The following CSMD1 variants were observed in gnomAD, a reference collection of about 807,000 sequenced individuals.
The protein encoded by CSMD1 is CUB and sushi domain-containing protein 1.
A neutral mutation model predicts 417.5 loss-of-function variants in CSMD1; 213 were observed. That is an observed-to-expected ratio of 0.51 (90% confidence interval 0.46 to 0.57). CSMD1 has a LOEUF of 0.57. Among genes scored for constraint, CSMD1 ranks in the 20% least tolerant of loss-of-function variants. The pLI, the probability that CSMD1 is intolerant of heterozygous loss-of-function variation, is 0.00. For missense variants in CSMD1, 6,923 were observed against 4,529.7 expected, an observed-to-expected ratio of 1.53 and a Z score of -15.17; for synonymous variants, 2,862 against 1,736.8, an observed-to-expected ratio of 1.65 and a Z score of -16.11.
At chr8:4,397,419 T>C (rs996223650) in intron 3 of CSMD1, among the ~76,000 whole-genome samples, 10 of 151,854 alleles carry the variant, frequency 6.6e-5, no homozygotes, top group African/African-American at 2.4e-4. Flanking sequence ...TAAGAAATCA[T>C]TAGGAACATG....
Position 3,323,431 on chromosome 8 carries a change from G to C in CSMD1, c.3632-14928C>G, listed in dbSNP as rs553229501. ...ACTAATAGTCATCAAAGCCAGAAAC[G>C]CTGGTCCATTCTGAACCCCTCTCTC... On this transcript the variant is annotated intron_variant, in intron 23 of 69. Coordinates refer to ENST00000635120, the MANE Select transcript of CSMD1 (RefSeq NM_033225.6). Among the ~76,000 whole-genome samples the C allele has an allele frequency of 1.3e-4, 19 of 151,526 alleles. No homozygotes were observed. In the South Asian group the frequency reaches 4.0e-3, roughly 32 times the overall value.
chr8:4,812,287 G>T (rs973630538), intron 1 of CSMD1, among the ~76,000 whole-genome samples: 13 of 152,238 alleles, frequency 8.5e-5, no homozygotes, highest in Non-Finnish European at 1.3e-4. Flanking sequence ...GGGAGGTGGG[G>T]GTTTTTCTCC....
intron 1 of CSMD1, among the ~76,000 whole-genome samples, chr8:4,983,859 C>T (rs1811030916): frequency 6.6e-6 from 1 of 151,726 alleles, no homozygotes; most frequent in South Asian, 2.1e-4. Context: ...TAGAAGTGGA[C>T]TCAAAGATGG....
At chr8:3,541,236 G>A (rs1197334612) in intron 10 of CSMD1, among the ~76,000 whole-genome samples, 1 of 152,196 alleles carries the variant, frequency 6.6e-6, no homozygotes, top group African/African-American at 2.4e-5. Flanking sequence ...GCAGGAACAT[G>A]GATGAAACTG....
At chr8:4,955,964 TGC>T (rs1477292995) in intron 1 of CSMD1, among the ~76,000 whole-genome samples, 2 of 152,228 alleles carry the variant, frequency 1.3e-5, no homozygotes, top group Non-Finnish European at 2.9e-5. Context: ...AGAAACGCTG[TGC>T]TGCGTTCTGT....
intron 49 of CSMD1, among the ~76,000 whole-genome samples, chr8:3,060,505 A>G (rs1386547971): frequency 6.6e-6 from 1 of 152,154 alleles, no homozygotes; most frequent in Admixed American, 6.5e-5. Context: ...TAAATAATAA[A>G]AAATTACTAT....
chr8:3,143,289 G>A (rs190589003), intron 40 of CSMD1, among the ~76,000 whole-genome samples: 130 of 152,234 alleles, frequency 8.5e-4, no homozygotes, highest in African/African-American at 3.1e-3. Flanking sequence ...TTAGCAAGCG[G>A]TCATTTTCTA....
intron 1 of CSMD1, among the ~76,000 whole-genome samples, chr8:4,851,916 T>C (rs2116834446): frequency 6.6e-6 from 1 of 152,302 alleles, no homozygotes; most frequent in Middle Eastern, 3.4e-3. Flanking sequence ...TTGCTATCAC[T>C]CTTCATTCTC....
chr8:4,794,659 T>G (rs537974431), intron 1 of CSMD1, among the ~76,000 whole-genome samples: 33 of 152,276 alleles, frequency 2.2e-4, no homozygotes, highest in Admixed American at 1.9e-3. Context: ...CCCCATACCT[T>G]CTTTCTTCTG....
intron 3 of CSMD1, among the ~76,000 whole-genome samples, chr8:4,357,616 C>A (rs928501750): frequency 2.6e-5 from 4 of 152,016 alleles, no homozygotes; most frequent in African/African-American, 7.2e-5. Flanking sequence ...AAATAAATAG[C>A]ATGCTTAAAT....
chr8:4,361,425 T>C (rs552032319), intron 3 of CSMD1, among the ~76,000 whole-genome samples: 4 of 152,238 alleles, frequency 2.6e-5, no homozygotes, highest in Admixed American at 1.3e-4. Context: ...CTAAGTAATC[T>C]GAAAAACTAA....
intron 23 of CSMD1, among the ~76,000 whole-genome samples, chr8:3,340,384 AG>A (rs1385146069): frequency 1.3e-5 from 2 of 152,110 alleles, no homozygotes; most frequent in Non-Finnish European, 2.9e-5. Flanking sequence ...TAAAAATGTT[AG>A]GGTTTTTTTT....
At chr8:3,118,708 G>A (rs573799080) in intron 41 of CSMD1, 121 bp from the exon 42 acceptor site, 1 of 815,580 alleles carries the variant, frequency 1.2e-6, no homozygotes, top group Non-Finnish European at 1.9e-6. Flanking sequence ...GTTTAATAAG[G>A]TATATTTTCT....
At chr8:4,829,519 A>T (rs1420553174) in intron 1 of CSMD1, among the ~76,000 whole-genome samples, 1 of 152,074 alleles carries the variant, frequency 6.6e-6, no homozygotes, top group African/African-American at 2.4e-5. Context: ...AGGCAGGAGG[A>T]TCTCTTGAGC....
At chr8:3,869,543 G>C (rs976682111) in intron 5 of CSMD1, among the ~76,000 whole-genome samples, 1 of 152,116 alleles carries the variant, frequency 6.6e-6, no homozygotes, top group African/African-American at 2.4e-5. Context: ...TTCTTCCTGA[G>C]AGTGCCTGAC....
intron 26 of CSMD1, among the ~76,000 whole-genome samples, chr8:3,244,608 C>G (rs565646447): frequency 6.6e-6 from 1 of 152,132 alleles, no homozygotes; most frequent in Admixed American, 6.5e-5. Flanking sequence ...CACGTTGAAC[C>G]CAAGGCAGGA....
At chr8:3,305,341 A>G (rs1350207204) in intron 25 of CSMD1, among the ~76,000 whole-genome samples, 3 of 152,206 alleles carry the variant, frequency 2.0e-5, no homozygotes, top group Admixed American at 1.3e-4. Context: ...TTATTATAAA[A>G]TAGTATGTGC....
chr8:3,121,544 G>A (rs1817205643), intron 41 of CSMD1, among the ~76,000 whole-genome samples: 1 of 152,164 alleles, frequency 6.6e-6, no homozygotes, highest in East Asian at 1.9e-4. Flanking sequence ...GGCAGCCTCT[G>A]AAACCCAGAA....
At chr8:4,577,866 T>C (rs1799209010) in intron 2 of CSMD1, among the ~76,000 whole-genome samples, 2 of 152,226 alleles carry the variant, frequency 1.3e-5, no homozygotes, top group African/African-American at 4.8e-5. Context: ...CAAGTGAATA[T>C]ATATTTAATA....
Sources: allele counts gnomAD v4.1 joint callset (sites outside exome capture counted in the v4.1 genomes callset), GRCh38; gene constraint gnomAD v4.1.1; transcripts MANE v1.5; gene names NCBI Gene and HGNC (gene_info 2026-07-23, HGNC 2026-07-21).